Variants in FUCA1 observed in about 807,000 individuals in gnomAD.
FUCA1 encodes the protein tissue alpha-L-fucosidase.
Under a neutral mutation model 56.8 loss-of-function variants are expected in FUCA1, and 52 were observed. The ratio of observed to expected loss-of-function variants is 0.92; its 90% CI spans 0.73 to 1.15. The LOEUF (loss-of-function observed/expected upper bound fraction) is 1.15, where lower values mean the gene tolerates loss of function less well. FUCA1 is among the 50% of genes most tolerant of loss of function. The pLI is 0.00. For missense variants in FUCA1, 568 were observed against 592.6 expected (o/e 0.96, Z 0.43); for synonymous variants, 230 against 226.6 (o/e 1.02, Z -0.14).
In FUCA1 at chr1:23,867,502, G is replaced by A. The variant is rs187153748; in HGVS notation, c.389+396C>T. ...ACCCCTTTCTACAACCATAGAAGAG[G>A]CTGCAGGGAGGCTGAAGTGACATGT... On this transcript the variant is annotated intron_variant, in intron 1 of 7. Coordinates refer to ENST00000374479, the MANE Select transcript of FUCA1 (RefSeq NM_000147.5). This position sits in a 1 kb window ranked among gnomAD's most constrained non-coding sequence, Gnocchi z 4.9. Among the ~76,000 whole-genome samples, 189 of 152,290 alleles carry A rather than the reference G, an allele frequency of 1.2e-3. 1 individual carries two copies. The highest frequency in any genetic ancestry group is 4.4e-3 in the African/African-American group (182 of 41,562).
At chr1:23,856,235 C>T (rs1639386951) in intron 4 of FUCA1, among the ~76,000 whole-genome samples, 1 of 152,214 alleles carries the variant, frequency 6.6e-6, no homozygotes, top group South Asian at 2.1e-4. Context: ...TGTGCCCAGA[C>T]TCTGGCTCAG....
At chr1:23,851,401 C>T (rs1437083306) in intron 5 of FUCA1, among the ~76,000 whole-genome samples, 1 of 151,182 alleles carries the variant, frequency 6.6e-6, no homozygotes, top group African/African-American at 2.5e-5. Context: ...TACATACATA[C>T]ATACATACAT....
chr1:23,855,367 C>T (rs1639370541), intron 4 of FUCA1, among the ~76,000 whole-genome samples: 1 of 152,152 alleles, frequency 6.6e-6, no homozygotes, highest in African/African-American at 2.4e-5. Flanking sequence ...CATGGTGGCA[C>T]ATGCCTGTAG....
chr1:23,867,928 C>T lies in FUCA1; in HGVS notation c.359G>A (p.Trp120Ter). 6.4e-7 allele frequency: 1 copy of T among 1,557,844 alleles called. No individual in the cohort carries two copies. Among genetic ancestry groups the T allele is most frequent in the African/African-American group, 1.4e-5 (1 of 73,750 alleles). Residue 120 changes from tryptophan (W) to a stop codon, truncating the protein, a stop_gained, in exon 1 of 8, where the codon TGG becomes TAG. Coordinates refer to ENST00000374479, the MANE Select transcript of FUCA1 (RefSeq NM_000147.5). LOFTEE classifies it high-confidence loss of function. The surrounding 1 kb of genome is among the most constrained non-coding windows in gnomAD (Gnocchi z 4.9). ...FTARFFHPEE[W>*]ADLFQAAGAK... ...GCCCGCGGCCTGGAAGAGGTCGGCC[C>T]ACTCCTCCGGGTGGAAGAAGCGCGC...
Position 23,867,959 on chromosome 1 carries a change from A to C in FUCA1, c.328T>G (p.Phe110Val). 6.3e-7 allele frequency: 1 copy of C among 1,584,754 alleles called. No homozygotes were observed. The highest frequency in any genetic ancestry group is 8.6e-7 in the Non-Finnish European group (1 of 1,166,644). ...GFSYADFGPQ[F>V]TARFFHPEEW... ...TCCGGGTGGAAGAAGCGCGCAGTGA[A>C]CTGCGGTCCGAAGTCGGCGTAGCTG... Residue 110 changes from phenylalanine (F) to valine (V), a missense_variant, in exon 1 of 8, where the codon TTC becomes GTC. Coordinates refer to ENST00000374479, the MANE Select transcript of FUCA1 (RefSeq NM_000147.5). The surrounding 1 kb of genome is among the most constrained non-coding windows in gnomAD (Gnocchi z 4.9).
chr1:23,846,280 T>C (rs558116776), intron 6 of FUCA1, 107 bp from the exon 7 acceptor site: 124 of 836,942 alleles, frequency 1.5e-4, no homozygotes, highest in South Asian at 4.6e-4. Context: ...CTTTTCTTTT[T>C]TTTTTTTTTG....
intron 5 of FUCA1, among the ~76,000 whole-genome samples, chr1:23,852,403 C>T (rs552720043): frequency 6.6e-6 from 1 of 152,032 alleles, no homozygotes; most frequent in Admixed American, 6.5e-5. Context: ...GCCTGCATGA[C>T]AGAGCAAGAC....
rs1295519992 is a variant in FUCA1 at position 23,867,479 on chromosome 1, C to G, written c.389+419G>C. 6.6e-6 allele frequency among the ~76,000 whole-genome samples: 1 copy of G among 152,154 alleles called. No homozygotes were observed. Among genetic ancestry groups the G allele is most frequent in the African/African-American group, 2.4e-5 (1 of 41,424 alleles). ...TCAAAGGGTTGTATCCTTATATAAC[C>G]CCTTTCTACAACCATAGAAGAGGCT... is the stretch of plus-strand genomic sequence containing the variant. On this transcript the variant is annotated intron_variant, in intron 1 of 7. Transcript: ENST00000374479. The surrounding 1 kb of genome is among the most constrained non-coding windows in gnomAD (Gnocchi z 4.9).
intron 5 of FUCA1, among the ~76,000 whole-genome samples, chr1:23,850,878 G>A: frequency 6.6e-6 from 1 of 152,030 alleles, no homozygotes; most frequent in East Asian, 1.9e-4. Flanking sequence ...TCTTGTCTTG[G>A]TCTCCCAAAG....
At chr1:23,861,292 C>G (rs1639506561) in intron 3 of FUCA1, among the ~76,000 whole-genome samples, 1 of 132,240 alleles carries the variant, frequency 7.6e-6, no homozygotes, top group Admixed American at 9.0e-5. Context: ...CACTGTACTC[C>G]AGCCTGGGCG....
At chr1:23,851,172 T>G (rs967583206) in intron 5 of FUCA1, among the ~76,000 whole-genome samples, 4 of 152,036 alleles carry the variant, frequency 2.6e-5, no homozygotes, top group Non-Finnish European at 5.9e-5. Flanking sequence ...GAGACAAGCC[T>G]GGCCAACATG....
intron 5 of FUCA1, among the ~76,000 whole-genome samples, chr1:23,853,617 A>G (rs911293545): frequency 1.3e-5 from 2 of 151,782 alleles, no homozygotes; most frequent in East Asian, 2.0e-4. Flanking sequence ...TTTGTGGAAT[A>G]GAAAGGGGGG....
intron 5 of FUCA1, among the ~76,000 whole-genome samples, chr1:23,853,274 G>A (rs1557508944): frequency 4.6e-5 from 7 of 150,556 alleles, no homozygotes; most frequent in Admixed American, 4.6e-4. Flanking sequence ...GAGCCTCTCC[G>A]CCCGGCAGCC....
chr1:23,856,672 G>A (rs1205835745), intron 4 of FUCA1, among the ~76,000 whole-genome samples: 1 of 152,176 alleles, frequency 6.6e-6, no homozygotes, highest in Non-Finnish European at 1.5e-5. Flanking sequence ...CCACACAGAA[G>A]GTCCTGGTTG....
chr1:23,852,078 GTAATAA>G (rs1410102992), intron 5 of FUCA1, among the ~76,000 whole-genome samples: 1 of 145,118 alleles, frequency 6.9e-6, no homozygotes, highest in Non-Finnish European at 1.5e-5. Context: ...ATGTTAGAAG[GTAATAA>G]TAATAATAAT....
chr1:23,868,272 C>A lies in FUCA1; in HGVS notation c.15G>T (p.Gly5=), dbSNP rs746017062. The A allele has an allele frequency of 1.2e-5, 19 of 1,552,560 alleles. No homozygotes were observed. Among genetic ancestry groups the A allele is most frequent in the South Asian group, 4.7e-5 (4 of 84,984 alleles). MRAP[G]MRSRPAGPAL... Reference sequence around the variant, plus strand: ...CGGGACCCGCCGGCCGCGACCTCATCCCCGGAGCCCGCATCGCTACCCCTC... The same window carrying A: ...CGGGACCCGCCGGCCGCGACCTCATACCCGGAGCCCGCATCGCTACCCCTC... The change falls in exon 1 of 8, where the codon GGG becomes GGT. Residue 5 remains glycine, a synonymous_variant. Coordinates refer to ENST00000374479, the MANE Select transcript of FUCA1 (RefSeq NM_000147.5).
At chr1:23,859,983 G>A (rs1284620578) in intron 3 of FUCA1, 80 bp from the exon 4 acceptor site, 1 of 890,634 alleles carries the variant, frequency 1.1e-6, no homozygotes, top group Non-Finnish European at 1.9e-6. Context: ...TTTTTTTTTA[G>A]AGATGGGGTT....
At chr1:23,846,642 C>T (rs879419381) in intron 6 of FUCA1, among the ~76,000 whole-genome samples, 5 of 151,606 alleles carry the variant, frequency 3.3e-5, no homozygotes, top group African/African-American at 4.9e-5. Context: ...AGTGCAGTGG[C>T]GTGATCTTGG....
chr1:23,863,145 G>A lies in FUCA1; in HGVS notation c.651C>T (p.Asp217=), dbSNP rs1361998791. 6.2e-7 allele frequency: 1 copy of A among 1,613,714 alleles called. No homozygotes were observed. Among genetic ancestry groups the A allele is most frequent in the Non-Finnish European group, 8.5e-7 (1 of 1,180,000 alleles). The change falls in exon 3 of 8, where the codon GAC becomes GAT. Residue 217 remains aspartate, a synonymous_variant. Transcript: ENST00000374479. ...TTTCAGTGTCTTACCTGTTAACAAGGTCGTACAGCTCTGGCATTGTTTTTG... is the reference window on the plus strand; with the variant it reads ...TTTCAGTGTCTTACCTGTTAACAAGATCGTACAGCTCTGGCATTGTTTTTG... The part of the protein sequence containing the change: ...VSAKTMPELY[D]LVNSYKPDLI...
Sources: gnomAD v4.1 joint callset for allele counts (sites outside exome capture counted in the v4.1 genomes callset) on GRCh38, gnomAD v4.1.1 for gene constraint, Gnocchi (gnomAD v3.1) non-coding constraint, MANE v1.5 for transcripts, NCBI Gene and HGNC (gene_info 2026-07-23, HGNC 2026-07-21) for gene names.